Variants in KIF1A observed in about 807,000 individuals in gnomAD.
KIF1A encodes the protein kinesin-like protein KIF1A.
In KIF1A, 46 loss-of-function variants were observed where a neutral mutation model predicts 227.3. That is an observed-to-expected ratio of 0.20 (90% CI 0.16 to 0.26). The LOEUF is 0.26. Among genes scored for constraint, KIF1A ranks in the 10% least tolerant of loss-of-function variants. The pLI is 1.00. For missense variants in KIF1A, 1,683 were observed against 2,485.9 expected (o/e 0.68, Z 6.87); for synonymous variants, 1,022 against 1,012.8 (o/e 1.01, Z -0.17).
intron 29 of KIF1A, among the ~76,000 whole-genome samples, chr2:240,746,383 T>C (rs1167727766): frequency 6.6e-6 from 1 of 152,200 alleles, no homozygotes; most frequent in Non-Finnish European, 1.5e-5. Context: ...GATGTGTGTC[T>C]TTGGATTCTA....
At chr2:240,734,007 C>T (rs938483777) in intron 38 of KIF1A, among the ~76,000 whole-genome samples, 15 of 152,190 alleles carry the variant, frequency 9.9e-5, no homozygotes, top group African/African-American at 3.1e-4. Context: ...TCACTGCAGC[C>T]GGGGAAAAGG....
chr2:240,757,201 G>A lies in KIF1A; in HGVS notation c.2858+118C>T. On this transcript the variant is annotated intron_variant, in intron 27 of 48. Transcript: ENST00000498729. The surrounding 1 kb of genome is among the most constrained non-coding windows in gnomAD (Gnocchi z 6.2). ...CCTCAGGAGGCCAGCCCCTCCACCT[G>A]CCTCGCCTGCCCTGGGAGGGCCCGG... The A allele has an allele frequency of 3.8e-6, 4 of 1,056,556 alleles. No individual in the cohort carries two copies. The allele number at this position is 1,056,556 out of a possible 1,614,324, so 65.4% of individuals were successfully genotyped here. A position where few individuals can be genotyped will look rare whatever the true frequency, so the allele number is the denominator to read the frequency against.
intron 2 of KIF1A, among the ~76,000 whole-genome samples, chr2:240,791,843 T>G (rs2055745602): frequency 6.6e-6 from 1 of 151,904 alleles, no homozygotes; most frequent in Non-Finnish European, 1.5e-5. Context: ...CAGGCCTGCT[T>G]GTCCTGGGCC....
upstream of KIF1A, among the ~76,000 whole-genome samples, chr2:240,820,739 G>C (rs1575690915): frequency 6.6e-6 from 1 of 152,104 alleles, no homozygotes; most frequent in East Asian, 1.9e-4. This position sits in a 1 kb window ranked among gnomAD's most constrained non-coding sequence, Gnocchi z 6.2. Flanking sequence ...ACAGGTGCGC[G>C]GTGAAATCGC....
chr2:240,785,909 C>A (rs927723859), intron 6 of KIF1A, among the ~76,000 whole-genome samples: 2 of 152,196 alleles, frequency 1.3e-5, no homozygotes, highest in African/African-American at 4.8e-5. Flanking sequence ...AGGCCCAGGG[C>A]AGCAGAGGCC....
rs566442544 is a variant in KIF1A, at chr2:240,819,247, C to T, written c.-61+875G>A. Reference sequence around the variant, plus strand: ...TAAAGCGGGAGTGCGAAGGTCTTCGCGGCCACTGTTCCTTCGTGTCATCCG... The same window carrying T: ...TAAAGCGGGAGTGCGAAGGTCTTCGTGGCCACTGTTCCTTCGTGTCATCCG... On this transcript the variant is annotated intron_variant, in intron 1 of 48. Coordinates refer to ENST00000498729, the MANE Select transcript of KIF1A (RefSeq NM_001244008.2). Among the ~76,000 whole-genome samples the T allele has an allele frequency of 4.2e-3, 639 of 152,306 alleles. 4 individuals are homozygous for T. The highest frequency in any genetic ancestry group is 0.015 in the African/African-American group (606 of 41,578).
At chr2:240,777,729 C>T (rs1230117251) in intron 10 of KIF1A, among the ~76,000 whole-genome samples, 5 of 152,250 alleles carry the variant, frequency 3.3e-5, no homozygotes, top group Non-Finnish European at 5.9e-5. Flanking sequence ...AAAGCTCCCC[C>T]AGGCAGCTCC....
Position 240,781,337 on chromosome 2 carries a change from C to CCA in KIF1A, c.882+1251_882+1252dup, listed in dbSNP as rs1188707770. ...CACAGCTCCACACACACACACAGCTCCACACACACACACAGCTCCACACAC... is the reference window on the plus strand; with the variant it reads ...CACAGCTCCACACACACACACAGCTCCACACACACACACACAGCTCCACACAC... On this transcript the variant is annotated intron_variant, in intron 10 of 48. Transcript: ENST00000498729. Among the ~76,000 whole-genome samples the CCA allele has an allele frequency of 2.0e-3, 6 of 2,990 alleles. 2 individuals carry two copies. In the Admixed American group the frequency reaches 0.025, roughly 13 times the overall value. 2.0% of individuals were successfully genotyped at this position (2,990 alleles called of 152,430 possible). A position where few individuals can be genotyped will look rare whatever the true frequency, so the allele number is the denominator to read the frequency against.
chr2:240,718,930 G>T (rs1575512173), intron 47 of KIF1A, 76 bp downstream of exon 47: 2 of 1,226,512 alleles, frequency 1.6e-6, no homozygotes, highest in East Asian at 4.8e-5. Context: ...CTGACGCAGG[G>T]CTGCAGAGGA....
chr2:240,785,250 C>A, intron 6 of KIF1A, 150 bp from the exon 7 acceptor site: 1 of 654,130 alleles, frequency 1.5e-6, no homozygotes, highest in Non-Finnish European at 2.6e-6. Context: ...ACTGATGGCG[C>A]CTCCTGCCAG....
chr2:240,780,806 A>ACACACACACACACACACACACACAGCTC (rs1559522445), intron 10 of KIF1A, among the ~76,000 whole-genome samples: 4 of 87,082 alleles, frequency 4.6e-5, no homozygotes, highest in African/African-American at 3.0e-4. Flanking sequence ...CTCCACACAC[A>ACACACACACACACACACACACACAGCTC]CACACACACA....
At chr2:240,811,395 A>C (rs2057852937) in intron 1 of KIF1A, among the ~76,000 whole-genome samples, 1 of 152,194 alleles carries the variant, frequency 6.6e-6, no homozygotes, top group African/African-American at 2.4e-5. Flanking sequence ...AGAAAAGAAA[A>C]GAAACTATCT....
At chr2:240,723,884 C>T in intron 41 of KIF1A, 91 bp downstream of exon 41, 1 of 1,115,820 alleles carries the variant, frequency 9.0e-7, no homozygotes, top group Non-Finnish European at 1.4e-6. Context: ...AGGGATCCCC[C>T]TGCAAATGGC....
At chr2:240,720,732 C>T (rs2045249698) in intron 45 of KIF1A, 182 bp downstream of exon 45, 4 of 614,444 alleles carry the variant, frequency 6.5e-6, no homozygotes, top group Non-Finnish European at 1.1e-5. Context: ...TGGCGGGGCA[C>T]AGGCACCCTC....
rs1312154917 is a variant in KIF1A, at chr2:240,740,613, C to T, written c.3750-249G>A. On this transcript the variant is annotated intron_variant, in intron 35 of 48. Coordinates refer to ENST00000498729, the MANE Select transcript of KIF1A (RefSeq NM_001244008.2). The surrounding 1 kb of genome is among the most constrained non-coding windows in gnomAD (Gnocchi z 6.1). ...TCCAACAAGGAGACACGGTATGGCACAGCCTGGCCCCTCTGGGCTGGATCT... is the reference window on the plus strand; with the variant it reads ...TCCAACAAGGAGACACGGTATGGCATAGCCTGGCCCCTCTGGGCTGGATCT... Among the ~76,000 whole-genome samples, 2 of 152,074 alleles carry T rather than the reference C, an allele frequency of 1.3e-5. No homozygotes were observed. Among genetic ancestry groups the T allele is most frequent in the South Asian group, 2.1e-4 (1 of 4,834 alleles).
intron 28 of KIF1A, among the ~76,000 whole-genome samples, chr2:240,749,408 C>A (rs544237903): frequency 1.3e-5 from 2 of 152,158 alleles, no homozygotes; most frequent in Non-Finnish European, 2.9e-5. Context: ...AGCCAGGAGC[C>A]CCCCTGCAGC....
At chr2:240,732,306 G>A (rs1007359057) in intron 38 of KIF1A, among the ~76,000 whole-genome samples, 6 of 140,442 alleles carry the variant, frequency 4.3e-5, no homozygotes, top group Non-Finnish European at 9.3e-5. Flanking sequence ...AGAGAATGAG[G>A]GGAGGAGGGG....
rs1370485087 is a variant in KIF1A at position 240,757,414 on chromosome 2, CTCCTCCTCA to C, written c.2754_2762del (p.Asp918_Glu920del). 2.3e-5 allele frequency: 35 copies of C among 1,533,240 alleles called. No homozygotes were observed. The African/African-American group carries it at 5.0e-4, about 22-fold the overall frequency. The allele number at this position is 1,533,240 out of a possible 1,614,324, so 95.0% of individuals were successfully genotyped here. On this transcript the variant is annotated inframe_deletion, in exon 27 of 49. Coordinates refer to ENST00000498729, the MANE Select transcript of KIF1A (RefSeq NM_001244008.2). This position sits in a 1 kb window ranked among gnomAD's most constrained non-coding sequence, Gnocchi z 6.2. ...GAAAGACGTCGTCCTCCAGGTCCTC[CTCCTCCTCA>C]TCCTCCTCCTCCTCCTCCTCCTCCT... is the stretch of plus-strand genomic sequence containing the variant.
At chr2:240,814,234 A>G (rs77180878) in intron 1 of KIF1A, among the ~76,000 whole-genome samples, 1 of 151,946 alleles carries the variant, frequency 6.6e-6, no homozygotes, top group Non-Finnish European at 1.5e-5. Context: ...CCATCCTTAC[A>G]CCCGTCGACA....
Sources: gnomAD v4.1 joint callset for allele counts (sites outside exome capture counted in the v4.1 genomes callset) on GRCh38, gnomAD v4.1.1 for gene constraint, Gnocchi (gnomAD v3.1) non-coding constraint, MANE v1.5 for transcripts, NCBI Gene and HGNC (gene_info 2026-07-23, HGNC 2026-07-21) for gene names.